The following AFTPH variants were observed in gnomAD, a reference collection of about 807,000 sequenced individuals.
The protein encoded by AFTPH is aftiphilin protein.
In AFTPH, 7 loss-of-function variants were observed where a neutral mutation model predicts 72.5. The observed-to-expected ratio is 0.10, with a 90% CI of 0.05 to 0.18. The LOEUF (loss-of-function observed/expected upper bound fraction) is 0.18. AFTPH is among the 10% of genes least tolerant of loss of function. The pLI is 1.00. For missense variants in AFTPH, 979 were observed against 1,060.5 expected (o/e 0.92, Z 1.07); for synonymous variants, 337 against 370.1 (o/e 0.91, Z 1.03).
exon 9 of AFTPH, chr2:64,592,606 A>G (rs1406938880): frequency 1.9e-5 from 2 of 103,720 alleles, no homozygotes; most frequent in East Asian, 7.6e-4. Flanking sequence ...CAAGGTACTT[A>G]ATTGCTCTTT....
intron 2 of AFTPH, among the ~76,000 whole-genome samples, chr2:64,562,263 A>C (rs1671787150): frequency 6.6e-6 from 1 of 151,858 alleles, no homozygotes; most frequent in South Asian, 2.1e-4. Flanking sequence ...AAAATGATTT[A>C]GATGGCTTAC....
At chr2:64,570,518 A>G (rs1283201139) in intron 5 of AFTPH, among the ~76,000 whole-genome samples, 2 of 152,278 alleles carry the variant, frequency 1.3e-5, no homozygotes, top group African/African-American at 4.8e-5. Context: ...GGGATTTTCT[A>G]GAGTTTTGGT....
rs1019288430 is a variant in AFTPH, at chr2:64,585,334, C to T, written c.2456-88C>T. The T allele has an allele frequency of 8.0e-6, 12 of 1,492,352 alleles. No homozygotes were observed. The African/African-American group carries it at 8.4e-5, about 10-fold the overall frequency. 92.4% of individuals were successfully genotyped at this position (1,492,352 alleles called of 1,614,324 possible). On this transcript the variant is annotated intron_variant, in intron 7 of 8. Coordinates refer to ENST00000238856, the Ensembl canonical transcript of AFTPH. ...TGTTTGTAAAACACTCAGATGTTTA[C>T]AGAATATTGCCTTTTGCATCTTGGA...
At chr2:64,536,393 C>T (rs1268068887) in intron 1 of AFTPH, among the ~76,000 whole-genome samples, 3 of 149,918 alleles carry the variant, frequency 2.0e-5, no homozygotes, top group Admixed American at 6.6e-5. Context: ...ATGGTGAAAC[C>T]GCATCTCTAA....
intron 3 of AFTPH, 121 bp from the exon 4 acceptor site, chr2:64,568,971 A>G: frequency 9.6e-7 from 1 of 1,045,344 alleles, no homozygotes. Flanking sequence ...ATAGTTATAC[A>G]CTTACGTTGG....
At chr2:64,550,677 GCACACACACA>G (rs56139158) in intron 1 of AFTPH, among the ~76,000 whole-genome samples, 1,909 of 130,204 alleles carry the variant, frequency 0.015, 25 homozygotes, top group African/African-American at 0.037. Flanking sequence ...CTGTACGCAT[GCACACACACA>G]CACACACACA....
intron 2 of AFTPH, among the ~76,000 whole-genome samples, chr2:64,562,530 G>A (rs924800593): frequency 6.6e-6 from 1 of 152,074 alleles, no homozygotes; most frequent in Non-Finnish European, 1.5e-5. Flanking sequence ...TATACTTCCT[G>A]GGTAGGAACT....
intron 8 of AFTPH, among the ~76,000 whole-genome samples, chr2:64,587,261 G>C (rs1673574363): frequency 6.6e-6 from 1 of 152,126 alleles, no homozygotes. Flanking sequence ...TCTGTATTGA[G>C]TTACTCGCTA....
exon 2 of AFTPH, chr2:64,553,079 G>C: frequency 6.2e-7 from 1 of 1,614,230 alleles, no homozygotes; most frequent in Non-Finnish European, 8.5e-7. Flanking sequence ...AAGAAGGTGA[G>C]ATTGGACATT....
chr2:64,532,059 A>G (rs1669660555), intron 1 of AFTPH, among the ~76,000 whole-genome samples: 2 of 152,206 alleles, frequency 1.3e-5, no homozygotes, highest in Admixed American at 6.5e-5. Context: ...ATAACTTACT[A>G]TGGTTCTTAT....
intron 7 of AFTPH, among the ~76,000 whole-genome samples, chr2:64,584,929 A>G (rs1673421584): frequency 6.6e-6 from 1 of 152,164 alleles, no homozygotes. Context: ...CAGATCATTT[A>G]CCATGTTTGA....
chr2:64,541,206 C>T (rs1055706141), intron 1 of AFTPH, among the ~76,000 whole-genome samples: 36 of 152,162 alleles, frequency 2.4e-4, no homozygotes, highest in Middle Eastern at 3.4e-3. Context: ...ATAGTAAGCA[C>T]TCAATAAGTA....
chr2:64,542,467 A>G (rs1255411382), intron 1 of AFTPH, among the ~76,000 whole-genome samples: 1 of 152,168 alleles, frequency 6.6e-6, no homozygotes, highest in Non-Finnish European at 1.5e-5. Flanking sequence ...GTTTACTTCA[A>G]GATACCAGTG....
In AFTPH at chr2:64,569,102, G is replaced by A. The variant is rs1260409864; in HGVS notation, c.2098G>A (p.Asp700Asn). The stretch of plus-strand genomic sequence containing the variant: ...TCATGGCCTTTGCAGGGAATTGCTA[G>A]ATGTGTGGACTGAGCTACAGGATAT... The change falls in exon 4 of 9, where the codon GAT (aspartate) becomes AAT (asparagine). Residue 700 changes from aspartate (D) to asparagine (N), a missense_variant. Coordinates refer to ENST00000238856, the Ensembl canonical transcript of AFTPH. The A allele has an allele frequency of 1.9e-6, 3 of 1,614,092 alleles. No homozygotes were observed. In the South Asian group the frequency reaches 3.3e-5, roughly 18 times the overall value.
chr2:64,543,705 A>G (rs1249549817), intron 1 of AFTPH, among the ~76,000 whole-genome samples: 2 of 152,190 alleles, frequency 1.3e-5, no homozygotes, highest in African/African-American at 4.8e-5. Flanking sequence ...GATATCAGGT[A>G]GTTTAAGTCC....
chr2:64,569,590 AAT>A, intron 4 of AFTPH, 31 bp from the exon 5 acceptor site: 1 of 1,604,390 alleles, frequency 6.2e-7, no homozygotes, highest in Non-Finnish European at 8.5e-7. Context: ...TTATTCTCTA[AAT>A]ATATGTTCTT....
chr2:64,590,777 C>A (rs544036630), intron 8 of AFTPH, among the ~76,000 whole-genome samples: 7 of 152,252 alleles, frequency 4.6e-5, no homozygotes, highest in Admixed American at 4.6e-4. Context: ...TCTATAAAAT[C>A]TTTTTATTTC....
intron 1 of AFTPH, among the ~76,000 whole-genome samples, chr2:64,527,006 T>C (rs1425750282): frequency 6.6e-6 from 1 of 152,222 alleles, no homozygotes; most frequent in Admixed American, 6.5e-5. Context: ...AACTATACTA[T>C]GTATTGTCTG....
At chr2:64,553,716 A>C (rs1345737165) in intron 2 of AFTPH, among the ~76,000 whole-genome samples, 1 of 151,648 alleles carries the variant, frequency 6.6e-6, no homozygotes, top group Admixed American at 6.6e-5. Flanking sequence ...AAAAAAAAAA[A>C]AAACCCACAC....
Sources: allele counts gnomAD v4.1 joint callset (sites outside exome capture counted in the v4.1 genomes callset), GRCh38; gene constraint gnomAD v4.1.1; transcripts MANE v1.5; gene names NCBI Gene and HGNC (gene_info 2026-07-23, HGNC 2026-07-21).